The following CTNND2 variants were observed in gnomAD, a reference collection of about 807,000 sequenced individuals.
The protein encoded by CTNND2 is catenin delta 2.
CTNND2 carries 22 observed loss-of-function variants against 144.4 expected under a neutral mutation model. The observed-to-expected ratio is 0.15, with a 90% confidence interval of 0.11 to 0.22. The LOEUF is 0.22. Ranked by LOEUF, CTNND2 falls within the 10% of genes least tolerant of loss-of-function variation. The pLI is 1.00. For synonymous variants in CTNND2, 751 were observed against 695.6 expected, an observed-to-expected ratio of 1.08 and a Z score of -1.25; for missense variants, 1,353 against 1,618.8, an observed-to-expected ratio of 0.84 and a Z score of 2.82.
chr5:11,342,466 A>G (rs1754375521), intron 9 of CTNND2, among the ~76,000 whole-genome samples: 1 of 152,344 alleles, frequency 6.6e-6, no homozygotes, highest in African/African-American at 2.4e-5. Flanking sequence ...GTTATGATGA[A>G]TAACAAAATA....
At chr5:11,082,539 G>A (rs1749685805) in intron 16 of CTNND2, among the ~76,000 whole-genome samples, 157 bp downstream of exon 16, 1 of 152,204 alleles carries the variant, frequency 6.6e-6, no homozygotes, top group African/African-American at 2.4e-5. Context: ...TCAGTGCAGT[G>A]GATTTAAATC....
chr5:11,493,450 C>G (rs566692266), intron 3 of CTNND2, among the ~76,000 whole-genome samples: 1 of 152,276 alleles, frequency 6.6e-6, no homozygotes, highest in Admixed American at 6.5e-5. Context: ...AATCATTGAT[C>G]CTGAAGGTTC....
intron 12 of CTNND2, among the ~76,000 whole-genome samples, chr5:11,152,473 G>A (rs957901153): frequency 5.3e-5 from 8 of 152,208 alleles, no homozygotes. Flanking sequence ...CTAGGTTTGT[G>A]TAAGTGCGCC....
intron 3 of CTNND2, among the ~76,000 whole-genome samples, chr5:11,433,755 C>A (rs1763510157): frequency 6.6e-6 from 1 of 152,248 alleles, no homozygotes; most frequent in Admixed American, 6.5e-5. Flanking sequence ...CCCCATGACA[C>A]AAACACCTCT....
intron 2 of CTNND2, among the ~76,000 whole-genome samples, chr5:11,609,585 T>C (rs1483950201): frequency 6.6e-6 from 1 of 151,776 alleles, no homozygotes; most frequent in Non-Finnish European, 1.5e-5. Context: ...AATACTATTA[T>C]ATTAAATAAT....
At chr5:11,196,727 A>C (rs1407300509) in intron 11 of CTNND2, among the ~76,000 whole-genome samples, 1 of 152,142 alleles carries the variant, frequency 6.6e-6, no homozygotes, top group East Asian at 1.9e-4. Flanking sequence ...TGTCAGGCCT[A>C]TCGCTTTAAA....
intron 11 of CTNND2, among the ~76,000 whole-genome samples, chr5:11,178,736 AAATT>A (rs1760718849): frequency 6.6e-6 from 1 of 152,226 alleles, no homozygotes. Context: ...GGTTTTGTTA[AAATT>A]AATTAGACTC....
At position 11,011,308 on chromosome 5, in the gene CTNND2, G is replaced by A. The variant is rs796994579; in HGVS notation, c.3084+6666C>T. Reference sequence around the variant, plus strand: ...TGCTCAATGCAGCCTCCACCTCTTGGGTTCAAGCGATTCTCCCACCTCTGC... The same window carrying A: ...TGCTCAATGCAGCCTCCACCTCTTGAGTTCAAGCGATTCTCCCACCTCTGC... On this transcript the variant is annotated intron_variant, in intron 18 of 21. Transcript: ENST00000304623. 3.9e-5 allele frequency among the ~76,000 whole-genome samples: 6 copies of A among 152,086 alleles called. No homozygotes were observed. The South Asian group carries it at 1.2e-3, about 31-fold the overall frequency.
intron 2 of CTNND2, among the ~76,000 whole-genome samples, chr5:11,636,989 GA>G (rs1407199136): frequency 6.6e-6 from 1 of 151,248 alleles, no homozygotes; most frequent in African/African-American, 2.4e-5. Context: ...GAAACCATAG[GA>G]AAAAAAAGGT....
intron 3 of CTNND2, among the ~76,000 whole-genome samples, chr5:11,534,620 G>T: frequency 6.6e-6 from 1 of 151,586 alleles, no homozygotes; most frequent in Middle Eastern, 3.4e-3. Flanking sequence ...GAAAAAAAAA[G>T]AAAGAAAAGA....
Position 11,412,783 on chromosome 5 carries a change from G to C in CTNND2, c.288-714C>G, listed in dbSNP as rs180904337. On this transcript the variant is annotated intron_variant, in intron 3 of 21. Coordinates refer to ENST00000304623, the MANE Select transcript of CTNND2 (RefSeq NM_001332.4). ...TTGTGTATGCAAACACTTCCTACAG[G>C]CCCCTTTTTTATATGTAAATAATCG... 1.1e-3 allele frequency among the ~76,000 whole-genome samples: 169 copies of C among 152,136 alleles called. 1 individual carries two copies. Among genetic ancestry groups the C allele is most frequent in the South Asian group, 8.1e-3 (39 of 4,816 alleles).
At chr5:11,540,551 C>G (rs1300118885) in intron 3 of CTNND2, among the ~76,000 whole-genome samples, 1 of 152,212 alleles carries the variant, frequency 6.6e-6, no homozygotes, top group African/African-American at 2.4e-5. Flanking sequence ...AAGTCTTGCT[C>G]TGTCGTCCGG....
At chr5:11,751,840 AAC>A (rs1035381821) in intron 1 of CTNND2, among the ~76,000 whole-genome samples, 7 of 151,858 alleles carry the variant, frequency 4.6e-5, no homozygotes, top group African/African-American at 1.7e-4. Context: ...AGCAGTGTAT[AAC>A]ATTCCTTTTT....
At chr5:11,305,870 G>C (rs558700292) in intron 9 of CTNND2, among the ~76,000 whole-genome samples, 1 of 152,328 alleles carries the variant, frequency 6.6e-6, no homozygotes, top group East Asian at 1.9e-4. Context: ...CCTAGGCAGA[G>C]GGATGGCCCC....
intron 2 of CTNND2, among the ~76,000 whole-genome samples, chr5:11,688,988 C>T (rs1049965349): frequency 6.6e-6 from 1 of 152,174 alleles, no homozygotes; most frequent in African/African-American, 2.4e-5. Context: ...CCAAGAGACA[C>T]CAAGATGACT....
intron 3 of CTNND2, among the ~76,000 whole-genome samples, chr5:11,486,826 A>T (rs1768877392): frequency 6.6e-6 from 1 of 152,210 alleles, no homozygotes; most frequent in South Asian, 2.1e-4. Context: ...GAAATAATTT[A>T]AAATTGATAA....
At chr5:11,135,293 C>T (rs1756024083) in intron 12 of CTNND2, among the ~76,000 whole-genome samples, 1 of 152,112 alleles carries the variant, frequency 6.6e-6, no homozygotes. Context: ...CAACAGTACT[C>T]CATAGAAATA....
chr5:11,039,926 G>A (rs902080217), intron 16 of CTNND2, among the ~76,000 whole-genome samples: 3 of 152,088 alleles, frequency 2.0e-5, no homozygotes, highest in South Asian at 2.1e-4. Context: ...GCCAGGCATG[G>A]TGACACGTGC....
At chr5:11,866,185 C>T (rs1211348380) in intron 1 of CTNND2, among the ~76,000 whole-genome samples, 5 of 152,130 alleles carry the variant, frequency 3.3e-5, no homozygotes, top group Non-Finnish European at 7.4e-5. Flanking sequence ...TGCCTATAAA[C>T]CTAGCTACTC....
Sources: allele counts gnomAD v4.1 joint callset (sites outside exome capture counted in the v4.1 genomes callset), GRCh38; gene constraint gnomAD v4.1.1; transcripts MANE v1.5; gene names NCBI Gene and HGNC (gene_info 2026-07-23, HGNC 2026-07-21).